The following ZNF16 variants were observed in gnomAD, a reference collection of about 807,000 sequenced individuals.
ZNF16 encodes the protein zinc finger protein KOX9.
ZNF16 carries 7 observed loss-of-function variants against 9.0 expected under a neutral mutation model. The observed-to-expected ratio is 0.78, with a 90% confidence interval of 0.44 to 1.47. The LOEUF (loss-of-function observed/expected upper bound fraction) is 1.47, where lower values mean the gene tolerates loss of function less well. ZNF16 is among the 40% of genes most tolerant of loss of function. The probability of loss-of-function intolerance (pLI) is 0.01; values close to 1 mark genes in which losing one functional copy is unlikely to be tolerated. For synonymous variants in ZNF16, 312 were observed against 301.5 expected, an observed-to-expected ratio of 1.03 and a Z score of -0.36; for missense variants, 830 against 854.2, an observed-to-expected ratio of 0.97 and a Z score of 0.35.
chr8:144,930,642 G>A lies in ZNF16; in HGVS notation c.*96C>T, dbSNP rs933185549. 13 of 1,404,686 alleles carry A rather than the reference G, an allele frequency of 9.3e-6. No individual in the cohort carries two copies. The South Asian group carries it at 1.3e-4, about 14-fold the overall frequency. The allele number at this position is 1,404,686 out of a possible 1,614,324, so 87.0% of individuals were successfully genotyped here. On this transcript the variant is annotated 3_prime_UTR_variant, in exon 3 of 3. Transcript: ENST00000394909. Reference sequence around the variant, plus strand: ...GGATGTAGGCAGTGAGCTGAGTCCAGGCTTTCGGTCTGGGAAGTGGCAGAG... The same window carrying A: ...GGATGTAGGCAGTGAGCTGAGTCCAAGCTTTCGGTCTGGGAAGTGGCAGAG...
chr8:144,932,445 T>C lies in ZNF16; in HGVS notation c.342A>G (p.Ser114=). ...PELGDLCDDV[S]ERDWGVPEGR... ...CTTCGGGGACTCCCCAGTCTCTTTC[T>C]GATACATCATCACACAGATCTCCAA... Residue 114 remains serine (S), a synonymous_variant, in exon 3 of 3, where the codon TCA becomes TCG. Coordinates refer to ENST00000394909, the MANE Select transcript of ZNF16 (RefSeq NM_006958.3). The surrounding 1 kb of genome is among the most constrained non-coding windows in gnomAD (Gnocchi z 5.0). 6.2e-7 allele frequency: 1 copy of C among 1,614,238 alleles called. No individual in the cohort carries two copies. Among genetic ancestry groups the C allele is most frequent in the Non-Finnish European group, 8.5e-7 (1 of 1,180,044 alleles).
At position 144,932,810 on chromosome 8, in the gene ZNF16, GGACCCA is replaced by G. The variant is rs1833590260; in HGVS notation, c.197-226_197-221del. 6.6e-6 allele frequency among the ~76,000 whole-genome samples: 1 copy of G among 152,068 alleles called. No individual in the cohort carries two copies. The highest frequency in any genetic ancestry group is 6.5e-5 in the Admixed American group (1 of 15,272). ...ATGAGTGAGAGCTCTTGATGACCAC[GGACCCA>G]CCCTCCCTGGGACTCCACATCTCAG... On this transcript the variant is annotated intron_variant, in intron 2 of 2. Coordinates refer to ENST00000394909, the MANE Select transcript of ZNF16 (RefSeq NM_006958.3). The surrounding 1 kb of genome is among the most constrained non-coding windows in gnomAD (Gnocchi z 5.0).
At position 144,932,251 on chromosome 8, in the gene ZNF16, C is replaced by G. The variant is rs773463888; in HGVS notation, c.536G>C (p.Arg179Thr). The G allele has an allele frequency of 2.3e-5, 37 of 1,614,060 alleles. No homozygotes were observed. In the South Asian group the frequency reaches 3.7e-4, roughly 16 times the overall value. The change falls in exon 3 of 3, where the codon AGG becomes ACG. Residue 179 changes from arginine to threonine, a missense_variant. Arg to Thr is a moderately conservative substitution (Grantham distance 71). Transcript: ENST00000394909. This position sits in a 1 kb window ranked among gnomAD's most constrained non-coding sequence, Gnocchi z 5.0. Reference sequence around the variant, plus strand: ...GCCACCCATGTCATATGGATGTGGCCTCTCTTCTGTAGGGATTTCCTGACA... The same window carrying G: ...GCCACCCATGTCATATGGATGTGGCGTCTCTTCTGTAGGGATTTCCTGACA... The part of the protein sequence containing the change: ...MACQEIPTEE[R>T]PHPYDMGGQS...
chr8:144,947,539 C>T (rs1386291685), intron 1 of ZNF16, among the ~76,000 whole-genome samples: 1 of 152,166 alleles, frequency 6.6e-6, no homozygotes, highest in African/African-American at 2.4e-5. Flanking sequence ...GCTGCAGCCC[C>T]ACATGTCATC....
Position 144,931,318 on chromosome 8 carries a change from C to G in ZNF16, c.1469G>C (p.Arg490Thr). Residue 490 changes from arginine to threonine, a missense_variant, in exon 3 of 3, where the codon AGA (arginine) becomes ACA (threonine). Arg to Thr is a moderately conservative substitution (Grantham distance 71). Transcript: ENST00000394909. ...QIIHTGEKPYRCSVCGKAFSH... is the reference protein window; with the variant it reads ...QIIHTGEKPYTCSVCGKAFSH... ...GAAGGCCTTCCCACAGACACTGCATCTGTACGGCTTCTCTCCCGTGTGGAT... is the reference window on the plus strand; with the variant it reads ...GAAGGCCTTCCCACAGACACTGCATGTGTACGGCTTCTCTCCCGTGTGGAT... The G allele has an allele frequency of 1.9e-6, 3 of 1,613,228 alleles. No individual in the cohort carries two copies. The highest frequency in any genetic ancestry group is 2.5e-6 in the Non-Finnish European group (3 of 1,179,706).
chr8:144,935,989 A>G (rs1833673120), intron 2 of ZNF16, among the ~76,000 whole-genome samples: 1 of 152,230 alleles, frequency 6.6e-6, no homozygotes. Context: ...CATTTAGTAC[A>G]TCTATAATGT....
chr8:144,946,244 C>A (rs2130052603), intron 1 of ZNF16, 29 bp from the exon 2 acceptor site: 1 of 1,479,250 alleles, frequency 6.8e-7, no homozygotes, highest in Non-Finnish European at 9.0e-7. Context: ...ACAGGTGAGT[C>A]TACAGACAGG....
At chr8:144,939,944 A>C (rs1400298036) in intron 2 of ZNF16, among the ~76,000 whole-genome samples, 1 of 152,018 alleles carries the variant, frequency 6.6e-6, no homozygotes, top group Non-Finnish European at 1.5e-5. Context: ...GATTTTGTTG[A>C]TTCTATTTTC....
intron 1 of ZNF16, among the ~76,000 whole-genome samples, chr8:144,948,752 C>T (rs1834020816): frequency 1.3e-5 from 2 of 152,106 alleles, no homozygotes; most frequent in African/African-American, 4.8e-5. Flanking sequence ...TATGGCTTCA[C>T]ACCTTATTTT....
intron 1 of ZNF16, chr8:144,950,506 G>C (rs1834084769): frequency 6.6e-6 from 1 of 152,256 alleles, no homozygotes; most frequent in Non-Finnish European, 1.5e-5. Context: ...CCACCAGCCT[G>C]TGGGCGGAGT....
chr8:144,931,530 G>A lies in ZNF16; in HGVS notation c.1257C>T (p.Asn419=). 6.2e-7 allele frequency: 1 copy of A among 1,614,012 alleles called. No homozygotes were observed. Among genetic ancestry groups the A allele is most frequent in the Non-Finnish European group, 8.5e-7 (1 of 1,179,984 alleles). Reference sequence around the variant, plus strand: ...TGTGAACCCTGTGGTGCTTAATGAGGTTGGAGACCCGACTGAAGGGCTTGC... The same window carrying A: ...TGTGAACCCTGTGGTGCTTAATGAGATTGGAGACCCGACTGAAGGGCTTGC... ...DCGKPFSRVS[N]LIKHHRVHTG... The change falls in exon 3 of 3, where the codon AAC becomes AAT. Residue 419 remains asparagine, a synonymous_variant. Coordinates refer to ENST00000394909, the MANE Select transcript of ZNF16 (RefSeq NM_006958.3).
chr8:144,930,463 C>T lies in ZNF16; in HGVS notation c.*275G>A, dbSNP rs1833495434. On this transcript the variant is annotated 3_prime_UTR_variant, in exon 3 of 3. Coordinates refer to ENST00000394909, the MANE Select transcript of ZNF16 (RefSeq NM_006958.3). ...AACTCTATTCATGAATATGCAGCCT[C>T]CATAATCTTCTCCCTTGTAACAAAC... 5.1e-6 allele frequency: 2 copies of T among 392,828 alleles called. No individual in the cohort carries two copies. Among genetic ancestry groups the T allele is most frequent in the South Asian group, 1.8e-4 (2 of 10,896 alleles). The allele number at this position is 392,828 out of a possible 1,614,324, so 24.3% of individuals were successfully genotyped here.
intron 2 of ZNF16, among the ~76,000 whole-genome samples, chr8:144,935,641 A>C (rs1833664673): frequency 6.6e-6 from 1 of 152,246 alleles, no homozygotes; most frequent in African/African-American, 2.4e-5. Flanking sequence ...GCCCTTCCAG[A>C]ACAAAACACA....
chr8:144,938,942 A>C (rs988962780), intron 2 of ZNF16, among the ~76,000 whole-genome samples: 4 of 151,472 alleles, frequency 2.6e-5, no homozygotes, highest in African/African-American at 9.7e-5. Context: ...TTTTTTTTTA[A>C]CTGTGAAAGT....
At chr8:144,938,636 C>A (rs1586953210) in intron 2 of ZNF16, among the ~76,000 whole-genome samples, 1 of 152,232 alleles carries the variant, frequency 6.6e-6, no homozygotes, top group East Asian at 1.9e-4. Context: ...TTGTTTATTA[C>A]CTCTAATAGC....
At chr8:144,949,165 T>C (rs1213440377) in intron 1 of ZNF16, among the ~76,000 whole-genome samples, 1 of 152,200 alleles carries the variant, frequency 6.6e-6, no homozygotes, top group Admixed American at 6.5e-5. Context: ...CACCCTCCCA[T>C]AGCAAGCAGC....
At position 144,931,600 on chromosome 8, in the gene ZNF16, T is replaced by C. The variant is rs939070117; in HGVS notation, c.1187A>G (p.Gln396Arg). Residue 396 changes from glutamine to arginine, a missense_variant, in exon 3 of 3, where the codon CAG (glutamine) becomes CGG (arginine). Transcript: ENST00000394909. ...AGGCTTCTCTCCAGTGTGGACCCTC[T>C]GGTGCTTCCTCAGGTGTGCACTCTG... The part of the protein sequence containing the change: ...FSQSAHLRKH[Q>R]RVHTGEKPYE... The C allele has an allele frequency of 5.0e-6, 8 of 1,614,212 alleles. No individual in the cohort carries two copies. The highest frequency in any genetic ancestry group is 5.9e-6 in the Non-Finnish European group (7 of 1,180,040).
chr8:144,935,276 C>T (rs1833655774), intron 2 of ZNF16, among the ~76,000 whole-genome samples: 1 of 152,114 alleles, frequency 6.6e-6, no homozygotes, highest in Admixed American at 6.5e-5. Flanking sequence ...CATCTCAGCT[C>T]ACCACAACCT....
chr8:144,931,999 T>C lies in ZNF16; in HGVS notation c.788A>G (p.Lys263Arg), dbSNP rs1833561035. 2.5e-6 allele frequency: 4 copies of C among 1,614,072 alleles called. No homozygotes were observed. Among genetic ancestry groups the C allele is most frequent in the Non-Finnish European group, 3.4e-6 (4 of 1,180,034 alleles). The change falls in exon 3 of 3, where the codon AAA (lysine) becomes AGA (arginine). Residue 263 changes from lysine to arginine, a missense_variant. Transcript: ENST00000394909. ...KNRHRSHMSE[K>R]AYQCSECGKA... ...CCCACATTCGCTGCACTGGTAAGCT[T>C]TCTCACTCATATGAGATCGATGACG...
Sources: allele counts gnomAD v4.1 joint callset (sites outside exome capture counted in the v4.1 genomes callset), GRCh38; gene constraint gnomAD v4.1.1; non-coding constraint Gnocchi (gnomAD v3.1); transcripts MANE v1.5; gene names NCBI Gene and HGNC (gene_info 2026-07-23, HGNC 2026-07-21).